The following TTLL6 variants were observed in gnomAD, a reference collection of about 807,000 sequenced individuals.
The protein encoded by TTLL6 is tubulin polyglutamylase TTLL6.
TTLL6 carries 75 observed loss-of-function variants against 96.4 expected under a neutral mutation model. The ratio of observed to expected loss-of-function variants is 0.78; its 90% confidence interval spans 0.65 to 0.94. The LOEUF (loss-of-function observed/expected upper bound fraction) is 0.94. Ranked by LOEUF, TTLL6 falls within the 40% of genes least tolerant of loss-of-function variation. The probability of loss-of-function intolerance (pLI) is 0.00; values close to 1 mark genes in which losing one functional copy is unlikely to be tolerated. For missense variants in TTLL6, 1,030 were observed against 1,093.0 expected (o/e 0.94, Z 0.81); for synonymous variants, 411 against 419.4 (o/e 0.98, Z 0.24).
intron 11 of TTLL6, among the ~76,000 whole-genome samples, chr17:48,787,130 GTCA>G (rs1176158376): frequency 6.6e-6 from 1 of 151,790 alleles, no homozygotes; most frequent in Non-Finnish European, 1.5e-5. Flanking sequence ...CGCCTGGCCT[GTCA>G]TCATCTTTAT....
Position 48,791,549 on chromosome 17 carries a change from C to G in TTLL6, c.1053G>C (p.Gln351His). The change falls in exon 9 of 16, where the codon CAG becomes CAC. Residue 351 changes from glutamine to histidine, a missense_variant. By Grantham distance (24) the Gln-to-His change is conservative (BLOSUM62 0). Coordinates refer to ENST00000393382, the MANE Select transcript of TTLL6 (RefSeq NM_001130918.3). ...TGACGTCCTCAATATCCCTCCATAT[C>G]TGCTCCACGTTGTAGCTGTGGTCCT... ...YLEDHSYNVEQIWRDIEDVII... is the reference protein window; with the variant it reads ...YLEDHSYNVEHIWRDIEDVII... The G allele has an allele frequency of 6.2e-7, 1 of 1,614,196 alleles. No individual in the cohort carries two copies. Among genetic ancestry groups the G allele is most frequent in the South Asian group, 1.1e-5 (1 of 91,078 alleles).
intron 1 of TTLL6, among the ~76,000 whole-genome samples, chr17:48,815,579 A>T (rs2039657269): frequency 6.6e-6 from 1 of 152,246 alleles, no homozygotes; most frequent in Non-Finnish European, 1.5e-5. Context: ...CTTCACATCT[A>T]GAAAAGTGCT....
chr17:48,814,389 T>G (rs1307038784), intron 1 of TTLL6, among the ~76,000 whole-genome samples: 1 of 130,824 alleles, frequency 7.6e-6, no homozygotes, highest in Non-Finnish European at 1.6e-5. Context: ...AATAGCAAAA[T>G]AGCATCTTCA....
At chr17:48,771,165 G>A (rs2038736459) in intron 13 of TTLL6, among the ~76,000 whole-genome samples, 1 of 152,276 alleles carries the variant, frequency 6.6e-6, no homozygotes, top group East Asian at 1.9e-4. Flanking sequence ...TTCATGTGCA[G>A]TTTGGCGTGA....
Position 48,817,109 on chromosome 17 carries a change from C to A in TTLL6, c.-37G>T, listed in dbSNP as rs1290699130. ...CAGCCCCAACCCCAACCCGCGCTCG[C>A]CCTAACTTTGGGTCCGCCCGGCCCT... On this transcript the variant is annotated 5_prime_UTR_variant, in exon 1 of 16. Transcript: ENST00000393382. The A allele has an allele frequency of 6.6e-7, 1 of 1,503,984 alleles. No homozygotes were observed. Among genetic ancestry groups the A allele is most frequent in the East Asian group, 2.6e-5 (1 of 38,984 alleles). 93.2% of individuals were successfully genotyped at this position (1,503,984 alleles called of 1,614,324 possible).
intron 5 of TTLL6, 60 bp from the exon 6 acceptor site, chr17:48,799,820 C>A: frequency 6.9e-7 from 1 of 1,451,614 alleles, no homozygotes; most frequent in Non-Finnish European, 9.3e-7. Context: ...AAAAGGAAGG[C>A]TAGCCCTTTA....
intron 3 of TTLL6, among the ~76,000 whole-genome samples, chr17:48,802,211 C>T (rs2039439363): frequency 6.6e-6 from 1 of 151,706 alleles, no homozygotes; most frequent in South Asian, 2.1e-4. Context: ...CTCAATGATC[C>T]CCGTAGAAGG....
chr17:48,786,026 C>T, intron 12 of TTLL6, 138 bp downstream of exon 12: 3 of 1,306,328 alleles, frequency 2.3e-6, no homozygotes, highest in Non-Finnish European at 3.2e-6. Context: ...CCCCGCACCG[C>T]CCCGTCGTTG....
intron 11 of TTLL6, 112 bp from the exon 12 acceptor site, chr17:48,786,447 C>G: frequency 8.1e-7 from 1 of 1,236,674 alleles, no homozygotes; most frequent in Non-Finnish European, 1.2e-6. Flanking sequence ...GTTCCACATT[C>G]CCTCCTCCAA....
chr17:48,801,630 G>C lies in TTLL6; in HGVS notation c.375C>G (p.Ala125=), dbSNP rs1279018057. 1.3e-6 allele frequency: 2 copies of C among 1,551,418 alleles called. No individual in the cohort carries two copies. The highest frequency in any genetic ancestry group is 1.7e-6 in the Non-Finnish European group (2 of 1,146,894). ...CTCCCTCTCTAAAGCCGTACTGTTG[G>C]GCAGCCCTGCGCACTATTGAAGAAA... ...SCRYESVRRA[A]QQYGFREGGE... is the part of the protein sequence containing the mutation. Residue 125 remains alanine (A), a synonymous_variant, in exon 4 of 16, where the codon GCC becomes GCG. Coordinates refer to ENST00000393382, the MANE Select transcript of TTLL6 (RefSeq NM_001130918.3).
chr17:48,770,510 G>GTTATTATTCTTATTA (rs2038719621), intron 13 of TTLL6, among the ~76,000 whole-genome samples: 1 of 147,814 alleles, frequency 6.8e-6, no homozygotes, highest in Non-Finnish European at 1.5e-5. Context: ...TATTGTTGTT[G>GTTATTATTCTTATTA]TTATTATTAT....
intron 8 of TTLL6, among the ~76,000 whole-genome samples, chr17:48,795,484 G>A (rs886216724): frequency 4.6e-5 from 7 of 151,944 alleles, no homozygotes; most frequent in Admixed American, 6.6e-5. Context: ...TCAGTCCCCC[G>A]TTTTCTTAAA....
Position 48,797,133 on chromosome 17 carries a change from C to T in TTLL6, c.840G>A (p.Arg280=). 1 of 1,551,528 alleles carries T rather than the reference C, an allele frequency of 6.4e-7. No individual in the cohort carries two copies. The highest frequency in any genetic ancestry group is 8.7e-7 in the Non-Finnish European group (1 of 1,146,986). ...CCAGTCCTTCATTGTACACAAAAATCCTGAGAGGGTCACAGGATGTCACCA... is the reference window on the plus strand; with the variant it reads ...CCAGTCCTTCATTGTACACAAAAATTCTGAGAGGGTCACAGGATGTCACCA... The part of the protein sequence containing the change: ...YVLVTSCDPL[R]IFVYNEGLAR... Residue 280 remains arginine, a synonymous_variant, in exon 7 of 16, where the codon AGG becomes AGA. Transcript: ENST00000393382.
At chr17:48,774,096 C>CAAAAAAAA (rs1286139436) in intron 13 of TTLL6, among the ~76,000 whole-genome samples, 2 of 44,250 alleles carry the variant, frequency 4.5e-5, no homozygotes, top group Non-Finnish European at 9.4e-5. Flanking sequence ...AAAAACAAAA[C>CAAAAAAAA]AAAAAAAAAA....
intron 15 of TTLL6, among the ~76,000 whole-genome samples, chr17:48,767,050 A>G (rs28563171): frequency 0.02 from 3,014 of 152,228 alleles, 116 homozygotes; most frequent in African/African-American, 0.069. Context: ...GACTACAGGC[A>G]CGTGCCATCA....
At position 48,799,687 on chromosome 17, in the gene TTLL6, G is replaced by C. The variant is rs1327491106; in HGVS notation, c.685C>G (p.Gln229Glu). 6 of 1,551,794 alleles carry C rather than the reference G, an allele frequency of 3.9e-6. No individual in the cohort carries two copies. The highest frequency in any genetic ancestry group is 4.4e-6 in the Non-Finnish European group (5 of 1,146,998). The change falls in exon 6 of 16, where the codon CAA becomes GAA. Residue 229 changes from glutamine to glutamate, a missense_variant. Transcript: ENST00000393382. ...TYICKPDSGC[Q>E]GKGIFITRTV... is the part of the protein sequence containing the mutation. ...CGGGTGATGAATATACCTTTCCCTT[G>C]GCAGCCCGAATCCGGCTTACAAATG...
At chr17:48,792,286 T>C (rs1477944533) in intron 8 of TTLL6, among the ~76,000 whole-genome samples, 3 of 152,116 alleles carry the variant, frequency 2.0e-5, no homozygotes, top group Non-Finnish European at 2.9e-5. Flanking sequence ...CATGAGGAAA[T>C]ACCTGAGTGG....
At chr17:48,765,636 G>C (rs1467286216) in intron 15 of TTLL6, 1 of 152,224 alleles carries the variant, frequency 6.6e-6, no homozygotes, top group Non-Finnish European at 1.5e-5. Flanking sequence ...GAGCATGGGA[G>C]TTTTGACCTG....
intron 12 of TTLL6, among the ~76,000 whole-genome samples, chr17:48,785,944 C>A (rs1049843336): frequency 6.6e-6 from 1 of 152,170 alleles, no homozygotes; most frequent in Non-Finnish European, 1.5e-5. Flanking sequence ...CAGGACAGAC[C>A]GGTGAGAGTC....
Sources: gnomAD v4.1 joint callset for allele counts (sites outside exome capture counted in the v4.1 genomes callset) on GRCh38, gnomAD v4.1.1 for gene constraint, MANE v1.5 for transcripts, NCBI Gene and HGNC (gene_info 2026-07-23, HGNC 2026-07-21) for gene names.